FBXO31: variants seen among roughly 807,000 people sequenced by gnomAD.
The protein encoded by FBXO31 is F-box protein 31.
FBXO31 carries 24 observed loss-of-function variants against 54.4 expected under a neutral mutation model. That is an observed-to-expected ratio of 0.44 (90% CI 0.32 to 0.62). The LOEUF (loss-of-function observed/expected upper bound fraction) is 0.62. Ranked by LOEUF, FBXO31 falls within the 20% of genes least tolerant of loss-of-function variation. FBXO31 has a pLI of 0.05. For synonymous variants in FBXO31, 388 were observed against 335.6 expected, an observed-to-expected ratio of 1.16 and a Z score of -1.71; for missense variants, 665 against 787.1, an observed-to-expected ratio of 0.84 and a Z score of 1.86.
chr16:87,333,305 A>G lies in FBXO31; in HGVS notation c.1397+581T>C, dbSNP rs1017051885. On this transcript the variant is annotated intron_variant, in intron 8 of 8. Transcript: ENST00000311635. The stretch of plus-strand genomic sequence containing the variant: ...TCCCACGCAGTCGCAGCTGGTGTCC[A>G]CTCCACTGGCCACCAAGGCACTGGC... Among the ~76,000 whole-genome samples, 4 of 152,040 alleles carry G rather than the reference A, an allele frequency of 2.6e-5. No individual in the cohort carries two copies. The South Asian group carries it at 8.3e-4, about 31-fold the overall frequency.
intron 1 of FBXO31, among the ~76,000 whole-genome samples, chr16:87,376,865 T>C (rs903703831): frequency 1.3e-5 from 2 of 152,166 alleles, no homozygotes; most frequent in Admixed American, 1.3e-4. Context: ...CATAACGAAA[T>C]GTTAGGAAAG....
intron 2 of FBXO31, among the ~76,000 whole-genome samples, chr16:87,356,384 C>T (rs1018973729): frequency 6.6e-6 from 1 of 152,154 alleles, no homozygotes; most frequent in Non-Finnish European, 1.5e-5. Context: ...CAGTCTAGAA[C>T]GGCACAAATG....
intron 2 of FBXO31, among the ~76,000 whole-genome samples, chr16:87,354,602 A>C (rs1230022004): frequency 2.0e-5 from 3 of 152,196 alleles, no homozygotes; most frequent in African/African-American, 7.2e-5. Flanking sequence ...TATTATCCAG[A>C]GTGCCAGGCA....
upstream of FBXO31, among the ~76,000 whole-genome samples, chr16:87,384,776 C>T (rs1022694787): frequency 6.6e-5 from 10 of 152,378 alleles, no homozygotes; most frequent in Non-Finnish European, 1.0e-4. Context: ...GGGAGGATCG[C>T]TTGATCCCAG....
chr16:87,344,324 G>T (rs1567616959), intron 3 of FBXO31, among the ~76,000 whole-genome samples: 1 of 152,270 alleles, frequency 6.6e-6, no homozygotes, highest in African/African-American at 2.4e-5. Flanking sequence ...AAGACCCCGG[G>T]AGGGGCGCTC....
chr16:87,357,890 T>G (rs2150684408), intron 2 of FBXO31, among the ~76,000 whole-genome samples: 1 of 152,020 alleles, frequency 6.6e-6, no homozygotes, highest in East Asian at 1.9e-4. Flanking sequence ...GCACTCCAGC[T>G]TGGGTGACAG....
chr16:87,356,285 G>A (rs1905888877), intron 2 of FBXO31, among the ~76,000 whole-genome samples: 1 of 151,744 alleles, frequency 6.6e-6, no homozygotes, highest in Non-Finnish European at 1.5e-5. Context: ...ATTCCTGTCA[G>A]CACCAAGGAG....
intron 5 of FBXO31, among the ~76,000 whole-genome samples, chr16:87,339,003 T>A (rs1905114180): frequency 6.6e-6 from 1 of 152,348 alleles, no homozygotes; most frequent in African/African-American, 2.4e-5. Context: ...TCTCTCTTTT[T>A]TTGCCTGCCG....
chr16:87,376,924 G>A (rs907393480), intron 1 of FBXO31, among the ~76,000 whole-genome samples: 8 of 152,286 alleles, frequency 5.3e-5, no homozygotes, highest in Non-Finnish European at 1.2e-4. Context: ...TCTCATATAC[G>A]ACTATTCCTA....
chr16:87,366,759 A>C (rs895212018), intron 1 of FBXO31, among the ~76,000 whole-genome samples: 18 of 152,238 alleles, frequency 1.2e-4, no homozygotes, highest in Non-Finnish European at 4.4e-5. Flanking sequence ...GAGGGGAGGC[A>C]GAGGGCAGAC....
rs1034126749 is a variant in FBXO31, at chr16:87,338,938, G to A, written c.733-2674C>T. 3.3e-5 allele frequency among the ~76,000 whole-genome samples: 5 copies of A among 152,184 alleles called. No individual in the cohort carries two copies. The highest frequency in any genetic ancestry group is 4.1e-4 in the South Asian group (2 of 4,834). ...TTTTCCATGCTGCTCTCATGATAGT[G>A]AATAAGTCTCACGAGATGCAATGGT... On this transcript the variant is annotated intron_variant, in intron 5 of 8. Coordinates refer to ENST00000311635, the MANE Select transcript of FBXO31 (RefSeq NM_024735.5). The surrounding 1 kb of genome is among the most constrained non-coding windows in gnomAD (Gnocchi z 4.3).
chr16:87,350,412 C>T (rs1265227642), intron 2 of FBXO31, among the ~76,000 whole-genome samples: 1 of 152,150 alleles, frequency 6.6e-6, no homozygotes, highest in East Asian at 1.9e-4. Flanking sequence ...CACACAGACA[C>T]CCCTTTAGGA....
At chr16:87,356,434 C>G (rs986360359) in intron 2 of FBXO31, among the ~76,000 whole-genome samples, 1 of 152,092 alleles carries the variant, frequency 6.6e-6, no homozygotes, top group African/African-American at 2.4e-5. Flanking sequence ...CACCTCGGCC[C>G]CTTCCAGCCC....
intron 2 of FBXO31, among the ~76,000 whole-genome samples, chr16:87,352,788 T>A (rs535930611): frequency 6.6e-6 from 1 of 152,310 alleles, no homozygotes; most frequent in South Asian, 2.1e-4. Flanking sequence ...AGCCCCGGCA[T>A]AAATGCTCCC....
In FBXO31 at chr16:87,372,099, A is replaced by C. The variant is rs117821871; in HGVS notation, c.340+11306T>G. Among the ~76,000 whole-genome samples, 441 of 152,128 alleles carry C rather than the reference A, an allele frequency of 2.9e-3. 4 individuals carry two copies. The highest frequency in any genetic ancestry group is 0.019 in the East Asian group (96 of 5,158). ...ATTAGCCAGGTATGGTGGCACATGCATGTAGTCCTAGCTACTGGGGAGGCT... is the reference window on the plus strand; with the variant it reads ...ATTAGCCAGGTATGGTGGCACATGCCTGTAGTCCTAGCTACTGGGGAGGCT... On this transcript the variant is annotated intron_variant, in intron 1 of 8. Coordinates refer to ENST00000311635, the MANE Select transcript of FBXO31 (RefSeq NM_024735.5).
Position 87,358,508 on chromosome 16 carries a change from A to G in FBXO31, c.412+1787T>C, listed in dbSNP as rs775754084. On this transcript the variant is annotated intron_variant, in intron 2 of 8. Coordinates refer to ENST00000311635, the MANE Select transcript of FBXO31 (RefSeq NM_024735.5). The surrounding 1 kb of genome is among the most constrained non-coding windows in gnomAD (Gnocchi z 4.0). ...CGCGAGGGTTTATACCTGAACAGACACAGCAGGGAAAGGGCTAAGGATGGC... is the reference window on the plus strand; with the variant it reads ...CGCGAGGGTTTATACCTGAACAGACGCAGCAGGGAAAGGGCTAAGGATGGC... The G allele has an allele frequency of 6.5e-6, 1 of 152,710 alleles. No individual in the cohort carries two copies. Among genetic ancestry groups the G allele is most frequent in the South Asian group, 2.1e-4 (1 of 4,834 alleles). The allele number at this position is 152,710 out of a possible 1,614,324, so 9.5% of individuals were successfully genotyped here. A position where few individuals can be genotyped will look rare whatever the true frequency, so the allele number is the denominator to read the frequency against.
chr16:87,327,236 C>G lies in FBXO31; in HGVS notation c.*4052G>C, dbSNP rs763008725. ...ATGCAGAATCAGGCCAAAACCCACA[C>G]AGCCCTGACCCCCTCGTGCTCTGGC... On this transcript the variant is annotated 3_prime_UTR_variant, in exon 9 of 9. Transcript: ENST00000311635. 3.3e-5 allele frequency: 5 copies of G among 152,562 alleles called. No individual in the cohort carries two copies. The highest frequency in any genetic ancestry group is 7.3e-5 in the Non-Finnish European group (5 of 68,276). The allele number at this position is 152,562 out of a possible 1,614,324, so 9.5% of individuals were successfully genotyped here.
intron 5 of FBXO31, among the ~76,000 whole-genome samples, chr16:87,341,079 CAT>C (rs1221240651): frequency 1.3e-5 from 2 of 152,064 alleles, no homozygotes; most frequent in African/African-American, 4.8e-5. Flanking sequence ...ATAAGGGAAA[CAT>C]AAACTCCCCC....
chr16:87,364,451 C>A lies in FBXO31; in HGVS notation c.341-4085G>T, dbSNP rs1403897053. On this transcript the variant is annotated intron_variant, in intron 1 of 8. Coordinates refer to ENST00000311635, the MANE Select transcript of FBXO31 (RefSeq NM_024735.5). The stretch of plus-strand genomic sequence containing the variant: ...CACCAGGACGCAGCCAGACCTGGGC[C>A]AGTTCGCGCCGACTCTTCTCCATTC... Among the ~76,000 whole-genome samples, 4 of 152,210 alleles carry A rather than the reference C, an allele frequency of 2.6e-5. No homozygotes were observed. The East Asian group carries it at 7.7e-4, about 29-fold the overall frequency.
Sources: gnomAD v4.1 joint callset for allele counts (sites outside exome capture counted in the v4.1 genomes callset) on GRCh38, gnomAD v4.1.1 for gene constraint, Gnocchi (gnomAD v3.1) non-coding constraint, MANE v1.5 for transcripts, NCBI Gene and HGNC (gene_info 2026-07-23, HGNC 2026-07-21) for gene names.